Variants in MACROD2 observed in about 807,000 individuals in gnomAD.
The protein encoded by MACROD2 is mono-ADP ribosylhydrolase 2.
MACROD2 carries 36 observed loss-of-function variants against 70.4 expected under a neutral mutation model. The ratio of observed to expected loss-of-function variants is 0.51; its 90% CI spans 0.39 to 0.68. The LOEUF (loss-of-function observed/expected upper bound fraction) is 0.68, where lower values mean the gene tolerates loss of function less well. Ranked by LOEUF, MACROD2 falls within the 30% of genes least tolerant of loss-of-function variation. MACROD2 has a pLI of 0.00. For missense variants in MACROD2, 496 were observed against 538.4 expected (o/e 0.92, Z 0.78); for synonymous variants, 172 against 178.8 (o/e 0.96, Z 0.30).
intron 12 of MACROD2, among the ~76,000 whole-genome samples, chr20:15,945,053 T>G (rs1240266101): frequency 6.6e-6 from 1 of 152,168 alleles, no homozygotes; most frequent in Non-Finnish European, 1.5e-5. Context: ...CTGTGTGATC[T>G]TTCGCAAATT....
intron 8 of MACROD2, among the ~76,000 whole-genome samples, chr20:15,683,852 T>C (rs1207980216): frequency 2.0e-5 from 3 of 152,132 alleles, no homozygotes; most frequent in East Asian, 3.8e-4. Context: ...GGTGCTGAGA[T>C]TATAGGTGTG....
At chr20:15,351,701 A>G (rs548165366) in intron 6 of MACROD2, among the ~76,000 whole-genome samples, 1 of 152,328 alleles carries the variant, frequency 6.6e-6, no homozygotes, top group South Asian at 2.1e-4. Flanking sequence ...CTTCCCAAAC[A>G]TGCAGTTGGT....
chr20:15,974,624 A>G (rs893394931), intron 13 of MACROD2, among the ~76,000 whole-genome samples: 4 of 152,130 alleles, frequency 2.6e-5, no homozygotes, highest in Non-Finnish European at 5.9e-5. Flanking sequence ...GCCAAAACCC[A>G]TAGAATGTAC....
chr20:14,673,205 A>G (rs1279598500), intron 4 of MACROD2, among the ~76,000 whole-genome samples: 1 of 152,172 alleles, frequency 6.6e-6, no homozygotes, highest in African/African-American at 2.4e-5. Context: ...GGAGCGTGAG[A>G]GCAAGGCTTT....
intron 5 of MACROD2, among the ~76,000 whole-genome samples, chr20:15,116,220 A>G (rs761613362): frequency 4.6e-5 from 7 of 152,144 alleles, no homozygotes; most frequent in Non-Finnish European, 8.8e-5. Context: ...GTCCACTTAT[A>G]TGTGGACTTT....
intron 7 of MACROD2, among the ~76,000 whole-genome samples, chr20:15,436,741 G>T (rs2046432426): frequency 6.6e-6 from 1 of 151,786 alleles, no homozygotes; most frequent in Non-Finnish European, 1.5e-5. Flanking sequence ...ATTAGGGTTT[G>T]ACGTAATATT....
At chr20:15,465,987 C>G (rs1488011570) in intron 7 of MACROD2, among the ~76,000 whole-genome samples, 1 of 152,114 alleles carries the variant, frequency 6.6e-6, no homozygotes, top group Non-Finnish European at 1.5e-5. Context: ...AGTTTTTACC[C>G]TAGTGAAGGG....
At chr20:14,517,538 T>G (rs925155143) in intron 4 of MACROD2, among the ~76,000 whole-genome samples, 5 of 151,646 alleles carry the variant, frequency 3.3e-5, no homozygotes, top group Non-Finnish European at 7.4e-5. Context: ...GGCCTGTCAG[T>G]GGGTGGGGGA....
At chr20:14,246,907 C>A (rs1196731399) in intron 3 of MACROD2, among the ~76,000 whole-genome samples, 4 of 152,152 alleles carry the variant, frequency 2.6e-5, no homozygotes, top group Non-Finnish European at 4.4e-5. Flanking sequence ...TTAGGGGCCT[C>A]ATTTCCATGG....
chr20:15,337,818 G>A (rs1042478924), intron 6 of MACROD2, among the ~76,000 whole-genome samples: 2 of 151,622 alleles, frequency 1.3e-5, no homozygotes, highest in Non-Finnish European at 2.9e-5. Context: ...GAAGGATTTT[G>A]ATCTTTTTTC....
chr20:14,317,549 G>C (rs1437164033), intron 3 of MACROD2, among the ~76,000 whole-genome samples: 2 of 151,354 alleles, frequency 1.3e-5, no homozygotes, highest in African/African-American at 4.9e-5. Context: ...CTGGGAGGTG[G>C]AGGTTGCAGT....
In MACROD2 at chr20:14,043,716, G is replaced by C. The variant is rs183528840; in HGVS notation, c.163+41312G>C. Among the ~76,000 whole-genome samples the C allele has an allele frequency of 6.6e-5, 10 of 152,310 alleles. No individual in the cohort carries two copies. In the East Asian group the frequency reaches 1.9e-3, roughly 29 times the overall value. On this transcript the variant is annotated intron_variant, in intron 2 of 17. Coordinates refer to ENST00000684519, the MANE Select transcript of MACROD2 (RefSeq NM_001351661.2). ...GTCTTATTACCTGCAGTCAGACAAC[G>C]TAGGTCAGAGAATTTCTTTATGGGC...
intron 6 of MACROD2, among the ~76,000 whole-genome samples, chr20:15,297,321 C>T (rs996975702): frequency 1.3e-5 from 2 of 152,124 alleles, no homozygotes; most frequent in African/African-American, 4.8e-5. Flanking sequence ...GAGTCAATTT[C>T]AGAATCCAAT....
intron 5 of MACROD2, chr20:14,849,907 A>C: frequency 2.0e-6 from 1 of 493,490 alleles, no homozygotes; most frequent in Middle Eastern, 3.4e-4. Flanking sequence ...ATCGTAGCAA[A>C]TTTGGATGCA....
intron 10 of MACROD2, among the ~76,000 whole-genome samples, chr20:15,928,442 C>A (rs1339914571): frequency 1.3e-5 from 2 of 152,152 alleles, no homozygotes; most frequent in African/African-American, 4.8e-5. Flanking sequence ...CACATTTTTG[C>A]TGATTCATAA....
chr20:14,548,597 T>A (rs11698771), intron 4 of MACROD2, among the ~76,000 whole-genome samples: 43,516 of 46,556 alleles, frequency 0.93, 21,345 homozygotes, highest in East Asian at 1. Flanking sequence ...GGGCGCCTGT[T>A]GTCCCAGCTA....
chr20:14,935,660 G>C (rs1334657605), intron 5 of MACROD2, among the ~76,000 whole-genome samples: 1 of 152,104 alleles, frequency 6.6e-6, no homozygotes, highest in Non-Finnish European at 1.5e-5. Flanking sequence ...GAACTTTTCT[G>C]AACTTCATCA....
intron 3 of MACROD2, among the ~76,000 whole-genome samples, chr20:14,245,285 C>A (rs2122247416): frequency 6.6e-6 from 1 of 151,464 alleles, no homozygotes; most frequent in Middle Eastern, 3.4e-3. Context: ...ATGGCGTGAA[C>A]CTGGGAGGTG....
intron 13 of MACROD2, among the ~76,000 whole-genome samples, chr20:15,975,885 G>A (rs2066298834): frequency 6.6e-6 from 1 of 152,198 alleles, no homozygotes; most frequent in Admixed American, 6.5e-5. Flanking sequence ...AACCAAGGAT[G>A]TCTAGAAGAT....
Sources: gnomAD v4.1 joint callset for allele counts (sites outside exome capture counted in the v4.1 genomes callset) on GRCh38, gnomAD v4.1.1 for gene constraint, MANE v1.5 for transcripts, NCBI Gene and HGNC (gene_info 2026-07-23, HGNC 2026-07-21) for gene names.